The following VWA8 variants were observed in gnomAD, a reference collection of about 807,000 sequenced individuals.
VWA8 encodes von Willebrand factor A domain-containing protein 8.
Under a neutral mutation model 241.5 loss-of-function variants are expected in VWA8, and 221 were observed. That is an observed-to-expected ratio of 0.91 (90% CI 0.82 to 1.02). The LOEUF is 1.02. Among genes scored for constraint, VWA8 ranks in the 50% least tolerant of loss-of-function variants. The pLI is 0.00. For synonymous variants in VWA8, 852 were observed against 827.1 expected, an observed-to-expected ratio of 1.03 and a Z score of -0.52; for missense variants, 2,322 against 2,328.7, an observed-to-expected ratio of 1.00 and a Z score of 0.06.
chr13:41,673,943 GA>G (rs749197901), intron 36 of VWA8, among the ~76,000 whole-genome samples: 12 of 151,942 alleles, frequency 7.9e-5, no homozygotes, highest in Admixed American at 1.3e-4. Flanking sequence ...ATAAATACTG[GA>G]AAAAATTATC....
chr13:41,958,991 C>T (rs1370631883), intron 1 of VWA8, among the ~76,000 whole-genome samples: 1 of 152,110 alleles, frequency 6.6e-6, no homozygotes, highest in African/African-American at 2.4e-5. Flanking sequence ...GTACAAAGAA[C>T]AATTGTTTTT....
chr13:41,631,871 C>T lies in VWA8; in HGVS notation c.4612-16787G>A, dbSNP rs1167979634. Among the ~76,000 whole-genome samples the T allele has an allele frequency of 2.0e-5, 3 of 152,190 alleles. No individual in the cohort carries two copies. In the East Asian group the frequency reaches 5.8e-4, roughly 29 times the overall value. On this transcript the variant is annotated intron_variant, in intron 37 of 44. Transcript: ENST00000379310. ...CTGGTTTACTGCATGGAAATGCACC[C>T]TTCCTGCTGCCTCCTCACAGACTCA...
chr13:41,772,052 G>A (rs2045828027), intron 20 of VWA8, among the ~76,000 whole-genome samples: 1 of 151,802 alleles, frequency 6.6e-6, no homozygotes, highest in Non-Finnish European at 1.5e-5. Flanking sequence ...CACCACGCCT[G>A]GCTAATTTTG....
At position 41,883,437 on chromosome 13, in the gene VWA8, T is replaced by C; in HGVS notation, c.1030A>G (p.Ser344Gly). ...TTCCCTTCATGACCTAGTAAAATAC[T>C]ATATGGATAAAGCCACTGGATTGCA... Reference protein sequence around the residue: ...KHAIQWLYPYSILLGHEGKMA... With the variant: ...KHAIQWLYPYGILLGHEGKMA... The change falls in exon 9 of 45, where the codon AGT becomes GGT. Residue 344 changes from serine to glycine, a missense_variant. Coordinates refer to ENST00000379310, the MANE Select transcript of VWA8 (RefSeq NM_015058.2). The C allele has an allele frequency of 6.2e-7, 1 of 1,613,776 alleles. No individual in the cohort carries two copies. Among genetic ancestry groups the C allele is most frequent in the Non-Finnish European group, 8.5e-7 (1 of 1,179,794 alleles).
intron 2 of VWA8, among the ~76,000 whole-genome samples, chr13:41,912,598 T>A (rs769905252): frequency 3.3e-5 from 5 of 152,168 alleles, no homozygotes; most frequent in Non-Finnish European, 7.4e-5. Flanking sequence ...AAGAGAGATA[T>A]GATCAAATCA....
chr13:41,807,243 T>A (rs1328957796), intron 17 of VWA8, among the ~76,000 whole-genome samples: 1 of 152,202 alleles, frequency 6.6e-6, no homozygotes, highest in Non-Finnish European at 1.5e-5. Context: ...GCTTGCCTGC[T>A]GAATTTGACC....
At chr13:41,819,111 G>C (rs1229282771) in intron 15 of VWA8, 107 bp downstream of exon 15, 2 of 1,168,502 alleles carry the variant, frequency 1.7e-6, no homozygotes, top group Non-Finnish European at 2.3e-6. Context: ...GGGAGTAAAT[G>C]GGAAGAAAAA....
At chr13:41,571,306 CCCTCCT>C (rs1385771048) in intron 43 of VWA8, among the ~76,000 whole-genome samples, 12 of 110,304 alleles carry the variant, frequency 1.1e-4, no homozygotes, top group African/African-American at 3.2e-4. Context: ...GTCTCCCTCT[CCCTCCT>C]CCCTCTCCCT....
intron 2 of VWA8, among the ~76,000 whole-genome samples, chr13:41,945,280 T>TAA (rs201441109): frequency 4.9e-5 from 7 of 141,600 alleles, no homozygotes; most frequent in Non-Finnish European, 7.8e-5. Flanking sequence ...GGAACATCAC[T>TAA]AAAAAAAAAA....
At chr13:41,698,239 G>C (rs1232467640) in intron 29 of VWA8, among the ~76,000 whole-genome samples, 1 of 151,890 alleles carries the variant, frequency 6.6e-6, no homozygotes, top group African/African-American at 2.4e-5. Context: ...CCCAATAGGA[G>C]GCACATGATA....
intron 37 of VWA8, among the ~76,000 whole-genome samples, chr13:41,636,509 A>G (rs1429472633): frequency 6.6e-6 from 1 of 152,102 alleles, no homozygotes; most frequent in Non-Finnish European, 1.5e-5. Flanking sequence ...TTCAGGACAT[A>G]GGCATGCGCA....
At chr13:41,590,481 T>C (rs2044446800) in intron 41 of VWA8, among the ~76,000 whole-genome samples, 159 bp downstream of exon 41, 1 of 150,106 alleles carries the variant, frequency 6.7e-6, no homozygotes, top group Non-Finnish European at 1.5e-5. Flanking sequence ...ATTTATGGAG[T>C]TTTTCTTCTT....
intron 37 of VWA8, among the ~76,000 whole-genome samples, chr13:41,619,701 G>A (rs1205498526): frequency 6.6e-6 from 1 of 152,092 alleles, no homozygotes; most frequent in Admixed American, 6.6e-5. Flanking sequence ...TTTTGTCGAA[G>A]GCCTTTTCTG....
chr13:41,750,082 C>T (rs757943939), intron 21 of VWA8, among the ~76,000 whole-genome samples: 80 of 151,984 alleles, frequency 5.3e-4, no homozygotes, highest in Admixed American at 1.1e-3. Context: ...ATTCCTCTTA[C>T]GGATCTGGGC....
chr13:41,707,409 C>G (rs1362041841), intron 26 of VWA8, among the ~76,000 whole-genome samples: 3 of 152,160 alleles, frequency 2.0e-5, no homozygotes, highest in Non-Finnish European at 2.9e-5. Context: ...GTTGACATAC[C>G]TATTATCAAC....
intron 6 of VWA8, 63 bp downstream of exon 6, chr13:41,887,134 T>C (rs1874583560): frequency 1.3e-6 from 2 of 1,545,912 alleles, no homozygotes; most frequent in Admixed American, 2.1e-5. Flanking sequence ...TTTTATAGCA[T>C]TGAAGTTCTT....
chr13:41,952,356 C>T (rs1057321259), intron 1 of VWA8, among the ~76,000 whole-genome samples: 2 of 152,130 alleles, frequency 1.3e-5, no homozygotes, highest in Admixed American at 1.3e-4. Context: ...GGTCATCTCG[C>T]CCTATTTTCC....
intron 17 of VWA8, among the ~76,000 whole-genome samples, chr13:41,788,743 A>G (rs770571098): frequency 6.6e-6 from 1 of 152,122 alleles, no homozygotes; most frequent in Non-Finnish European, 1.5e-5. Context: ...CCCACAAACC[A>G]GAGGCTGGCT....
Position 41,732,084 on chromosome 13 carries a change from G to A in VWA8, c.2498C>T (p.Pro833Leu). ...TTCTATGATTAGGTTACTAACCAAA[G>A]GTGAGTCTTCATATACAATAAGTCC... ...KDGLIVYEDS[P>L]LVKAVKLGHI... Residue 833 changes from proline to leucine, a missense_variant, in exon 22 of 45, where the codon CCT (proline) becomes CTT (leucine). Pro to Leu is a moderately conservative substitution (Grantham distance 98, BLOSUM62 -3). Coordinates refer to ENST00000379310, the MANE Select transcript of VWA8 (RefSeq NM_015058.2). 1 of 1,612,322 alleles carries A rather than the reference G, an allele frequency of 6.2e-7. No homozygotes were observed. The highest frequency in any genetic ancestry group is 1.1e-5 in the South Asian group (1 of 91,002).
Sources: allele counts gnomAD v4.1 joint callset (sites outside exome capture counted in the v4.1 genomes callset), GRCh38; gene constraint gnomAD v4.1.1; transcripts MANE v1.5; gene names NCBI Gene and HGNC (gene_info 2026-07-23, HGNC 2026-07-21).